PDE1C: variants seen among roughly 807,000 people sequenced by gnomAD.
PDE1C encodes the protein phosphodiesterase 1C.
In PDE1C, 62 loss-of-function variants were observed where a neutral mutation model predicts 93.1. The observed-to-expected ratio is 0.67, with a 90% CI of 0.54 to 0.82. The LOEUF (loss-of-function observed/expected upper bound fraction) is 0.82, where lower values mean the gene tolerates loss of function less well. PDE1C is among the 40% of genes least tolerant of loss of function. The pLI, the probability that PDE1C is intolerant of heterozygous loss-of-function variation, is 0.00. For missense variants in PDE1C, 742 were observed against 884.6 expected, an observed-to-expected ratio of 0.84 and a Z score of 2.04; for synonymous variants, 325 against 310.1, an observed-to-expected ratio of 1.05 and a Z score of -0.50.
At chr7:32,191,446 G>A (rs1226847165) in intron 2 of PDE1C, among the ~76,000 whole-genome samples, 1 of 151,410 alleles carries the variant, frequency 6.6e-6, no homozygotes, top group Non-Finnish European at 1.5e-5. Flanking sequence ...TTATAGTTGT[G>A]TCATCTCGAG....
At chr7:31,740,314 T>C in the PDE1C span, among the ~76,000 whole-genome samples, 1 of 152,206 alleles carries the variant, frequency 6.6e-6, no homozygotes, top group Admixed American at 6.5e-5. Flanking sequence ...AATGTTTCTT[T>C]TTTTCCAAGC....
chr7:32,202,437 T>A (rs1805082854), intron 2 of PDE1C, among the ~76,000 whole-genome samples: 1 of 152,206 alleles, frequency 6.6e-6, no homozygotes, highest in African/African-American at 2.4e-5. Flanking sequence ...CATGACCCCA[T>A]GACAGGGATG....
rs141202052 is a variant in PDE1C, at chr7:32,233,292, C to A, written c.86-23753G>T. ...AACGAGAAACAACAAATAGAGTGGACAAACAGAAAATTAATAATTAAATAG... is the reference window on the plus strand; with the variant it reads ...AACGAGAAACAACAAATAGAGTGGAAAAACAGAAAATTAATAATTAAATAG... On this transcript the variant is annotated intron_variant, in intron 1 of 18. Coordinates refer to the PDE1C transcript ENST00000396193. Among the ~76,000 whole-genome samples, 456 of 152,060 alleles carry A rather than the reference C, an allele frequency of 3.0e-3. 3 individuals carry two copies. The highest frequency in any genetic ancestry group is 0.011 in the African/African-American group (437 of 41,510).
chr7:31,858,322 T>C (rs544177682), intron 7 of PDE1C, among the ~76,000 whole-genome samples: 1 of 152,214 alleles, frequency 6.6e-6, no homozygotes, highest in African/African-American at 2.4e-5. Context: ...AGAATTTAAA[T>C]ACAGATATAG....
chr7:32,307,655 G>A (rs1813044696), intron 1 of PDE1C, among the ~76,000 whole-genome samples: 1 of 152,146 alleles, frequency 6.6e-6, no homozygotes, highest in Non-Finnish European at 1.5e-5. Context: ...CCACATCAGA[G>A]TTGGAACCTT....
intron 1 of PDE1C, among the ~76,000 whole-genome samples, chr7:32,418,634 C>T (rs1240483377): frequency 6.6e-6 from 1 of 152,146 alleles, no homozygotes; most frequent in Non-Finnish European, 1.5e-5. Context: ...AGAACAGAGG[C>T]TTTATTTTTG....
At chr7:32,088,433 T>C (rs1484970461) in intron 3 of PDE1C, among the ~76,000 whole-genome samples, 2 of 152,368 alleles carry the variant, frequency 1.3e-5, no homozygotes, top group East Asian at 3.9e-4. Flanking sequence ...ATCTGCTGGC[T>C]GAGCCCACCT....
At position 32,403,366 on chromosome 7, in the gene PDE1C, C is replaced by T. The variant is rs114882907; in HGVS notation, c.310+24456G>A. Among the ~76,000 whole-genome samples, 1,112 of 152,290 alleles carry T rather than the reference C, an allele frequency of 7.3e-3. 7 individuals are homozygous for T. Among genetic ancestry groups the T allele is most frequent in the African/African-American group, 0.026 (1,064 of 41,554 alleles). ...CCACTTCCCCAAATTTCTAACATCC[C>T]TTTGTCCTTTTCTGAGTCCTAAGAC... On this transcript the variant is annotated intron_variant, in intron 1 of 1. Coordinates refer to the PDE1C transcript ENST00000672256.
intron 1 of PDE1C, among the ~76,000 whole-genome samples, chr7:32,421,850 C>G (rs533853213): frequency 1.3e-5 from 2 of 152,240 alleles, no homozygotes; most frequent in Admixed American, 1.3e-4. Flanking sequence ...CAGAAGCTTC[C>G]TAACATTTCT....
At chr7:31,909,052 G>T (rs1165870217) in intron 2 of PDE1C, among the ~76,000 whole-genome samples, 3 of 152,038 alleles carry the variant, frequency 2.0e-5, no homozygotes. Flanking sequence ...TACCTAGTCA[G>T]CCCTCACAAT....
chr7:32,330,396 G>T (rs1783490743), intron 1 of PDE1C, among the ~76,000 whole-genome samples: 1 of 152,220 alleles, frequency 6.6e-6, no homozygotes, highest in East Asian at 1.9e-4. Flanking sequence ...TCCTGGGCTG[G>T]ATCTAAAATT....
chr7:31,840,298 T>G (rs1315577759), intron 9 of PDE1C, among the ~76,000 whole-genome samples: 1 of 152,192 alleles, frequency 6.6e-6, no homozygotes, highest in Non-Finnish European at 1.5e-5. Flanking sequence ...TTTCAAACCT[T>G]TCTCATTTTA....
chr7:31,723,558 G>A, the PDE1C span, among the ~76,000 whole-genome samples: 1 of 152,112 alleles, frequency 6.6e-6, no homozygotes, highest in African/African-American at 2.4e-5. Flanking sequence ...TTTGTAATAA[G>A]CTGCTCTCAG....
chr7:32,422,729 GCATTGGT>G (rs1785457739), intron 1 of PDE1C, among the ~76,000 whole-genome samples: 1 of 151,936 alleles, frequency 6.6e-6, no homozygotes, highest in Non-Finnish European at 1.5e-5. Flanking sequence ...TTTAACTTTC[GCATTGGT>G]CATCTTTTCA....
At chr7:31,729,652 T>G in the PDE1C span, among the ~76,000 whole-genome samples, 4,785 of 152,268 alleles carry the variant, frequency 0.031, 289 homozygotes, top group African/African-American at 0.11. Context: ...TGATTCACAC[T>G]GAGAATGTTG....
intron 2 of PDE1C, among the ~76,000 whole-genome samples, chr7:31,952,812 T>C (rs773682870): frequency 3.9e-5 from 6 of 152,052 alleles, no homozygotes; most frequent in Non-Finnish European, 8.8e-5. Flanking sequence ...TTTATATGAG[T>C]CATACTTCAA....
chr7:31,917,830 C>A (rs1388608846), intron 2 of PDE1C, among the ~76,000 whole-genome samples: 3 of 152,036 alleles, frequency 2.0e-5, no homozygotes, highest in East Asian at 3.9e-4. Context: ...AAATGACTTG[C>A]AAAAAATATC....
chr7:32,134,913 C>G (rs991575348), intron 3 of PDE1C, among the ~76,000 whole-genome samples: 1 of 152,120 alleles, frequency 6.6e-6, no homozygotes, highest in Non-Finnish European at 1.5e-5. Flanking sequence ...TATCCCAGAA[C>G]TTAATGTGTA....
At chr7:31,918,450 G>A (rs2128953637) in intron 2 of PDE1C, among the ~76,000 whole-genome samples, 1 of 152,300 alleles carries the variant, frequency 6.6e-6, no homozygotes, top group East Asian at 1.9e-4. Flanking sequence ...TCATCCCAGA[G>A]CAAAGAGGGA....
Sources: allele counts gnomAD v4.1 joint callset (sites outside exome capture counted in the v4.1 genomes callset), GRCh38; gene constraint gnomAD v4.1.1; transcripts MANE v1.5; gene names NCBI Gene and HGNC (gene_info 2026-07-23, HGNC 2026-07-21).